The following GNB4 variants were observed in gnomAD, a reference collection of about 807,000 sequenced individuals.
GNB4 encodes guanine nucleotide-binding protein subunit beta-4.
GNB4 carries 28 observed loss-of-function variants against 45.2 expected under a neutral mutation model. The ratio of observed to expected loss-of-function variants is 0.62; its 90% CI spans 0.46 to 0.85. The LOEUF is 0.85. Among genes scored for constraint, GNB4 ranks in the 40% least tolerant of loss-of-function variants. The pLI is 0.00. For missense variants in GNB4, 321 were observed against 425.4 expected (o/e 0.75, Z 2.16); for synonymous variants, 132 against 143.7 (o/e 0.92, Z 0.58).
At position 179,441,212 on chromosome 3, in the gene GNB4, T is replaced by A. The variant is rs915140443; in HGVS notation, c.-43+10134A>T. ...GCCATGCATCACTTAACGATGGGAA[T>A]ATGCTCTGAGAAACACGTCCTTAGG... is the stretch of plus-strand genomic sequence containing the variant. On this transcript the variant is annotated intron_variant, in intron 1 of 9. Coordinates refer to ENST00000232564, the MANE Select transcript of GNB4 (RefSeq NM_021629.4). Among the ~76,000 whole-genome samples the A allele has an allele frequency of 2.0e-5, 3 of 152,202 alleles. No homozygotes were observed. The East Asian group carries it at 5.8e-4, about 29-fold the overall frequency.
rs188945242 is a variant in GNB4 at position 179,417,831 on chromosome 3, C to G, written c.204-1275G>C. On this transcript the variant is annotated intron_variant, in intron 4 of 9. Coordinates refer to ENST00000232564, the MANE Select transcript of GNB4 (RefSeq NM_021629.4). ...TAGAGGTAAATAACATTATCAGATT[C>G]TTGGGTAGCAATCACTACAAGGTTT... Among the ~76,000 whole-genome samples the G allele has an allele frequency of 1.2e-3, 183 of 152,322 alleles. 1 individual carries two copies. The highest frequency in any genetic ancestry group is 7.1e-4 in the Non-Finnish European group (48 of 68,016).
intron 1 of GNB4, among the ~76,000 whole-genome samples, chr3:179,448,474 GTT>G (rs201658867): frequency 7.0e-6 from 1 of 142,314 alleles, no homozygotes; most frequent in Non-Finnish European, 1.5e-5. Context: ...AACTTACTTG[GTT>G]TTTTTTTTTT....
At chr3:179,455,077 C>G (rs1715958488), upstream of GNB4, among the ~76,000 whole-genome samples, 1 of 152,212 alleles carries the variant, frequency 6.6e-6, no homozygotes, top group Non-Finnish European at 1.5e-5. Context: ...CTGTACTCCT[C>G]TGACACTGGT....
chr3:179,464,934 T>C, the GNB4 span: 14 of 1,537,796 alleles, frequency 9.1e-6, no homozygotes, highest in Non-Finnish European at 1.3e-5. Context: ...AAGAATGTGG[T>C]TGTGGCTGGA....
chr3:179,420,663 G>T (rs1269241034), intron 3 of GNB4, among the ~76,000 whole-genome samples: 1 of 151,600 alleles, frequency 6.6e-6, no homozygotes, highest in Non-Finnish European at 1.5e-5. Flanking sequence ...GGTATAGCTG[G>T]TATATTTTTA....
rs180886797 is a variant in GNB4, at chr3:179,444,001, C to T, written c.-43+7345G>A. On this transcript the variant is annotated intron_variant, in intron 1 of 9. Transcript: ENST00000232564. ...ATTCACGTTTTTATCCTACAACACT[C>T]TCTATCACATATACCAAGACTGCTC... Among the ~76,000 whole-genome samples, 645 of 152,218 alleles carry T rather than the reference C, an allele frequency of 4.2e-3. 4 individuals carry two copies. Among genetic ancestry groups the T allele is most frequent in the Non-Finnish European group, 6.8e-3 (464 of 68,008 alleles).
chr3:179,502,559 T>C, the GNB4 span, among the ~76,000 whole-genome samples: 1 of 152,116 alleles, frequency 6.6e-6, no homozygotes, highest in African/African-American at 2.4e-5. Flanking sequence ...TATGTTTTGG[T>C]TGCCACCGTG....
intron 1 of GNB4, among the ~76,000 whole-genome samples, chr3:179,443,015 T>C (rs571100007): frequency 2.9e-4 from 44 of 152,318 alleles, no homozygotes. Flanking sequence ...TATATATTAT[T>C]TTTGGTTACA....
rs1316445217 is a variant in GNB4 at position 179,396,905 on chromosome 3, C to G, written c.*4308G>C. ...AGAAAACTAGTAAATCTGAAATGTA[C>G]TTCACATTCTACTTAATCTAATTTA... On this transcript the variant is annotated 3_prime_UTR_variant, in exon 10 of 10. Transcript: ENST00000232564. 1.3e-5 allele frequency: 2 copies of G among 152,162 alleles called. No homozygotes were observed. The highest frequency in any genetic ancestry group is 4.8e-5 in the African/African-American group (2 of 41,448). The allele number at this position is 152,162 out of a possible 1,614,324, so 9.4% of individuals were successfully genotyped here. A position where few individuals can be genotyped will look rare whatever the true frequency, so the allele number is the denominator to read the frequency against.
chr3:179,447,885 G>A (rs1337836340), intron 1 of GNB4, among the ~76,000 whole-genome samples: 1 of 152,226 alleles, frequency 6.6e-6, no homozygotes, highest in Non-Finnish European at 1.5e-5. Flanking sequence ...TGACTGAGAT[G>A]GAGAAGAATG....
At chr3:179,462,448 A>C in the GNB4 span, among the ~76,000 whole-genome samples, 2 of 152,226 alleles carry the variant, frequency 1.3e-5, no homozygotes, top group Admixed American at 1.3e-4. Context: ...ATGAGGTTAG[A>C]AAAACCTAAG....
the GNB4 span, chr3:179,464,654 G>A: frequency 4.5e-6 from 5 of 1,113,636 alleles, no homozygotes; most frequent in Non-Finnish European, 6.9e-6. Context: ...AGACAATTGT[G>A]AAACCAGCTT....
At chr3:179,489,539 G>A in the GNB4 span, among the ~76,000 whole-genome samples, 598 of 152,226 alleles carry the variant, frequency 3.9e-3, 2 homozygotes, top group South Asian at 0.012. Flanking sequence ...TGCTCAGGGG[G>A]CTGAAGTGGA....
In GNB4 at chr3:179,400,958, CACA is replaced by C. The variant is rs1714278450; in HGVS notation, c.*252_*254del. Reference sequence around the variant, plus strand: ...ACAAAGAAAATACACTCTGAGTACACACAACAATTCACCAAGGTTAAAATAACC... The same window carrying C: ...ACAAAGAAAATACACTCTGAGTACACACAATTCACCAAGGTTAAAATAACC... On this transcript the variant is annotated 3_prime_UTR_variant, in exon 10 of 10. Coordinates refer to ENST00000232564, the MANE Select transcript of GNB4 (RefSeq NM_021629.4). 12 of 361,126 alleles carry C rather than the reference CACA, an allele frequency of 3.3e-5. No homozygotes were observed. Among genetic ancestry groups the C allele is most frequent in the African/African-American group, 8.3e-5 (4 of 48,076 alleles). The allele number at this position is 361,126 out of a possible 1,614,324, so 22.4% of individuals were successfully genotyped here. A position where few individuals can be genotyped will look rare whatever the true frequency, so the allele number is the denominator to read the frequency against.
At chr3:179,514,197 T>C in the GNB4 span, among the ~76,000 whole-genome samples, 3 of 152,186 alleles carry the variant, frequency 2.0e-5, no homozygotes, top group Non-Finnish European at 2.9e-5. Context: ...CAGGGCGGAC[T>C]AGGACAGGTG....
the GNB4 span, among the ~76,000 whole-genome samples, chr3:179,484,548 C>G: frequency 2.0e-5 from 3 of 152,122 alleles, no homozygotes; most frequent in Non-Finnish European, 2.9e-5. Context: ...CCTGTTTCAG[C>G]TCTCATACCG....
At chr3:179,510,144 C>CA in the GNB4 span, among the ~76,000 whole-genome samples, 3 of 150,752 alleles carry the variant, frequency 2.0e-5, no homozygotes, top group African/African-American at 7.3e-5. Flanking sequence ...TTTTTTTTTA[C>CA]AAAAAGAGAA....
chr3:179,401,555 A>G (rs914955620), intron 9 of GNB4, among the ~76,000 whole-genome samples: 1 of 152,220 alleles, frequency 6.6e-6, no homozygotes, highest in Non-Finnish European at 1.5e-5. Flanking sequence ...GACATGCATC[A>G]ATTTGTGGTT....
the GNB4 span, among the ~76,000 whole-genome samples, chr3:179,519,102 A>G: frequency 8.8e-4 from 134 of 152,320 alleles, no homozygotes; most frequent in African/African-American, 2.8e-3. Flanking sequence ...GTGGCCAGGC[A>G]TTCCTCCAGG....
Sources: allele counts gnomAD v4.1 joint callset (sites outside exome capture counted in the v4.1 genomes callset), GRCh38; gene constraint gnomAD v4.1.1; transcripts MANE v1.5; gene names NCBI Gene and HGNC (gene_info 2026-07-23, HGNC 2026-07-21).